ANKH: variants seen among roughly 807,000 people sequenced by gnomAD.
The protein encoded by ANKH is ANKH inorganic pyrophosphate transport regulator, also known as mineralization regulator ANKH.
ANKH carries 15 observed loss-of-function variants against 49.0 expected under a neutral mutation model. The ratio of observed to expected loss-of-function variants is 0.31; its 90% CI spans 0.20 to 0.47. The LOEUF is 0.47. Ranked by LOEUF, ANKH falls within the 20% of genes least tolerant of loss-of-function variation. ANKH has a pLI of 1.00. For synonymous variants in ANKH, 273 were observed against 260.0 expected (o/e 1.05, Z -0.48); for missense variants, 429 against 652.0 (o/e 0.66, Z 3.72).
At chr5:14,848,314 G>A (rs1742024519) in intron 1 of ANKH, among the ~76,000 whole-genome samples, 1 of 152,182 alleles carries the variant, frequency 6.6e-6, no homozygotes, top group African/African-American at 2.4e-5. Context: ...CTAAAAGCAG[G>A]AGGTAAAGAA....
At chr5:14,815,489 C>T (rs950689502) in intron 1 of ANKH, among the ~76,000 whole-genome samples, 2 of 152,212 alleles carry the variant, frequency 1.3e-5, no homozygotes, top group Non-Finnish European at 1.5e-5. Flanking sequence ...TTACCACTTA[C>T]TTTCTCCCAT....
intron 1 of ANKH, among the ~76,000 whole-genome samples, chr5:14,846,263 A>G (rs826358): frequency 0.47 from 70,729 of 152,066 alleles, 16,744 homozygotes; most frequent in East Asian, 0.75. Context: ...TTAAAAGATT[A>G]AAGACTGTTA....
chr5:14,754,924 A>G (rs574046070), intron 4 of ANKH, among the ~76,000 whole-genome samples: 1 of 152,102 alleles, frequency 6.6e-6, no homozygotes, highest in South Asian at 2.1e-4. Flanking sequence ...AAAAATACAA[A>G]AATTAGCCAG....
chr5:14,833,848 G>A (rs1431091584), intron 1 of ANKH, among the ~76,000 whole-genome samples: 1 of 152,082 alleles, frequency 6.6e-6, no homozygotes, highest in African/African-American at 2.4e-5. Flanking sequence ...GGAACTGTTG[G>A]GGCCCTGCAG....
intron 8 of ANKH, among the ~76,000 whole-genome samples, chr5:14,723,166 G>A (rs1737721990): frequency 1.3e-5 from 2 of 152,050 alleles, no homozygotes; most frequent in African/African-American, 4.8e-5. Context: ...GGAACAGAAA[G>A]AGCTCACGAG....
chr5:14,807,061 T>C (rs949497486), intron 1 of ANKH, among the ~76,000 whole-genome samples: 7 of 152,044 alleles, frequency 4.6e-5, no homozygotes, highest in African/African-American at 1.4e-4. Flanking sequence ...CAAAGAGTCC[T>C]AGCTAATCAG....
intron 3 of ANKH, 46 bp from the exon 4 acceptor site, chr5:14,755,990 A>G (rs1463633738): frequency 5.2e-6 from 8 of 1,529,474 alleles, no homozygotes; most frequent in Non-Finnish European, 5.4e-6. Flanking sequence ...CTTCAGGATT[A>G]TGCTGTTTCT....
intron 1 of ANKH, among the ~76,000 whole-genome samples, chr5:14,808,643 C>T (rs576292852): frequency 4.6e-4 from 70 of 151,942 alleles, no homozygotes; most frequent in Middle Eastern, 3.4e-3. Context: ...GATATCATCT[C>T]ACACCAGTTA....
chr5:14,715,531 C>G (rs1185937983), intron 9 of ANKH, among the ~76,000 whole-genome samples: 1 of 152,176 alleles, frequency 6.6e-6, no homozygotes, highest in East Asian at 1.9e-4. Flanking sequence ...CTAGGTGACA[C>G]ACCTGGTACA....
chr5:14,798,432 T>A (rs1580077154), intron 1 of ANKH: 7 of 1,536,462 alleles, frequency 4.6e-6, no homozygotes, highest in Admixed American at 3.9e-5. Flanking sequence ...AATCCTGGGG[T>A]CGAGCGTTGT....
At chr5:14,860,679 G>T (rs1735456026) in intron 1 of ANKH, among the ~76,000 whole-genome samples, 1 of 152,184 alleles carries the variant, frequency 6.6e-6, no homozygotes, top group Non-Finnish European at 1.5e-5. Context: ...AGCAGCCCCA[G>T]CTAAGTCAAA....
At chr5:14,787,171 T>C (rs114848031) in intron 1 of ANKH, among the ~76,000 whole-genome samples, 1,706 of 152,112 alleles carry the variant, frequency 0.011, 32 homozygotes, top group African/African-American at 0.039. Flanking sequence ...AAGATTAGCC[T>C]GGCCTGGTTG....
intron 8 of ANKH, among the ~76,000 whole-genome samples, chr5:14,720,892 A>G (rs376085946): frequency 1.2e-4 from 19 of 152,364 alleles, no homozygotes; most frequent in African/African-American, 4.6e-4. Context: ...AGGAGGGTGT[A>G]ATTGCACGTC....
intron 1 of ANKH, among the ~76,000 whole-genome samples, chr5:14,795,363 C>T (rs1740339762): frequency 6.6e-6 from 1 of 152,120 alleles, no homozygotes. Context: ...AAAATAGATG[C>T]AGCTTTTATT....
intron 8 of ANKH, among the ~76,000 whole-genome samples, chr5:14,723,352 T>C (rs1253575548): frequency 6.2e-5 from 2 of 32,414 alleles, no homozygotes; most frequent in East Asian, 1.1e-3. Context: ...AGTTATTCTT[T>C]TTTTAAAAAA....
chr5:14,764,255 T>G (rs1258249073), intron 2 of ANKH, among the ~76,000 whole-genome samples: 1 of 152,016 alleles, frequency 6.6e-6, no homozygotes, highest in Non-Finnish European at 1.5e-5. Flanking sequence ...CAGTGATTTG[T>G]TTTGGTCAGT....
intron 8 of ANKH, among the ~76,000 whole-genome samples, chr5:14,719,732 G>A (rs990370975): frequency 6.6e-6 from 1 of 152,146 alleles, no homozygotes; most frequent in Non-Finnish European, 1.5e-5. Flanking sequence ...CAAGAGTTGG[G>A]GGTGCCTCTC....
At chr5:14,763,692 G>T (rs1251589616) in intron 2 of ANKH, among the ~76,000 whole-genome samples, 4 of 152,236 alleles carry the variant, frequency 2.6e-5, no homozygotes. Context: ...TATTGCAGGA[G>T]ATCTGCTTCT....
chr5:14,840,980 C>T (rs1461059544), intron 1 of ANKH, among the ~76,000 whole-genome samples: 4 of 152,330 alleles, frequency 2.6e-5, no homozygotes, highest in East Asian at 1.9e-4. Flanking sequence ...GACAGGCTAA[C>T]ACCTTAATCA....
Sources: gnomAD v4.1 joint callset for allele counts (sites outside exome capture counted in the v4.1 genomes callset) on GRCh38, gnomAD v4.1.1 for gene constraint, MANE v1.5 for transcripts, NCBI Gene and HGNC (gene_info 2026-07-23, HGNC 2026-07-21) for gene names.